The following MKI67 variants were observed in gnomAD, a reference collection of about 807,000 sequenced individuals.
The protein encoded by MKI67 is proliferation marker protein Ki-67.
MKI67 carries 152 observed loss-of-function variants against 233.5 expected under a neutral mutation model. The ratio of observed to expected loss-of-function variants is 0.65; its 90% CI spans 0.57 to 0.74. MKI67 has a LOEUF of 0.74. MKI67 is among the 30% of genes least tolerant of loss of function. The probability of loss-of-function intolerance (pLI) is 0.00; values close to 1 mark genes in which losing one functional copy is unlikely to be tolerated. For missense variants in MKI67, 3,940 were observed against 3,885.2 expected (o/e 1.01, Z -0.37); for synonymous variants, 1,465 against 1,418.5 (o/e 1.03, Z -0.74).
Position 128,107,872 on chromosome 10 carries a change from G to T in MKI67, c.3968C>A (p.Thr1323Lys). The change falls in exon 13 of 15, where the codon ACA (threonine) becomes AAA (lysine). Residue 1323 changes from threonine (T) to lysine (K), a missense_variant. By Grantham distance (78) the Thr-to-Lys change is moderately conservative. Coordinates refer to ENST00000368654, the MANE Select transcript of MKI67 (RefSeq NM_002417.5). Reference sequence around the variant, plus strand: ...TCTCTTGCTGCCGGTTAAGTTCTCTGTCAGGTCCAGTTTCTGCACTGGAGT... The same window carrying T: ...TCTCTTGCTGCCGGTTAAGTTCTCTTTCAGGTCCAGTTTCTGCACTGGAGT... ...VGTPVQKLDL[T>K]ENLTGSKRRP... 6.2e-7 allele frequency: 1 copy of T among 1,613,396 alleles called. No individual in the cohort carries two copies.
Position 128,112,253 on chromosome 10 carries a change from C to G in MKI67, c.1849G>C (p.Gly617Arg), listed in dbSNP as rs778643158. Reference protein sequence around the residue: ...SKSQTEVPKRGGRKSGNLPSK... With the variant: ...SKSQTEVPKRRGRKSGNLPSK... ...GGCAGGTTGCCACTCTTTCTCCCTC[C>G]TCTCTTAGGAACCTCTGTCTGAGAT... is the stretch of plus-strand genomic sequence containing the variant. Residue 617 changes from glycine to arginine, a missense_variant, in exon 9 of 15, where the codon GGA (glycine) becomes CGA (arginine). By Grantham distance (125) the Gly-to-Arg change is moderately radical. Transcript: ENST00000368654. 6.2e-7 allele frequency: 1 copy of G among 1,614,238 alleles called. No homozygotes were observed. The highest frequency in any genetic ancestry group is 1.3e-5 in the African/African-American group (1 of 75,066).
chr10:128,106,213 C>A lies in MKI67; in HGVS notation c.5627G>T (p.Arg1876Leu). ...PADTPTNTKQ[R>L]PKRSLKKADV... ...TGCTTTCTTGAGGCTTCTCTTGGGC[C>A]GTTGCTTTGTGTTTGTTGGGGTGTC... The change falls in exon 13 of 15, where the codon CGG (arginine) becomes CTG (leucine). Residue 1876 changes from arginine (R) to leucine (L), a missense_variant. Physicochemically the swap from Arg to Leu is moderately radical, Grantham distance 102 (BLOSUM62 -2). Coordinates refer to ENST00000368654, the MANE Select transcript of MKI67 (RefSeq NM_002417.5). 6.2e-7 allele frequency: 1 copy of A among 1,611,590 alleles called. No individual in the cohort carries two copies. The highest frequency in any genetic ancestry group is 8.5e-7 in the Non-Finnish European group (1 of 1,179,266).
Position 128,109,258 on chromosome 10 carries a change from G to A in MKI67, c.2582C>T (p.Thr861Ile). Residue 861 changes from threonine (T) to isoleucine (I), a missense_variant, in exon 13 of 15, where the codon ACT (threonine) becomes ATT (isoleucine). Thr to Ile is a moderately conservative substitution (Grantham distance 89, BLOSUM62 -1). Coordinates refer to ENST00000368654, the MANE Select transcript of MKI67 (RefSeq NM_002417.5). ...TACTGTTTTTGAAGGCTCTGTCTCA[G>A]TATCTGAAGTTTTTGTCTCCAGAGA... is the stretch of plus-strand genomic sequence containing the variant. Reference protein sequence around the residue: ...MTSLETKTSDTETEPSKTVST... With the variant: ...MTSLETKTSDIETEPSKTVST... 1 of 1,614,140 alleles carries A rather than the reference G, an allele frequency of 6.2e-7. No individual in the cohort carries two copies. Among genetic ancestry groups the A allele is most frequent in the Non-Finnish European group, 8.5e-7 (1 of 1,180,024 alleles).
rs776801421 is a variant in MKI67 at position 128,104,373 on chromosome 10, C to T, written c.7467G>A (p.Val2489=). ...CTGCTAGGGGCTCTTCTTTCATGTC[C>T]ACTTTCACCAGGGGTATCTTGAGCC... ...KQRLKIPLVK[V]DMKEEPLAVS... is the part of the protein sequence containing the mutation. The change falls in exon 13 of 15, where the codon GTG becomes GTA. Residue 2489 remains valine (V), a synonymous_variant. Coordinates refer to ENST00000368654, the MANE Select transcript of MKI67 (RefSeq NM_002417.5). 5.0e-6 allele frequency: 8 copies of T among 1,614,010 alleles called. No homozygotes were observed. The African/African-American group carries it at 8.0e-5, about 16-fold the overall frequency.
Position 128,112,054 on chromosome 10 carries a change from G to A in MKI67, c.1970-9C>T. On this transcript the variant is annotated splice_polypyrimidine_tract_variant and intron_variant, in intron 9 of 14. Coordinates refer to ENST00000368654, the MANE Select transcript of MKI67 (RefSeq NM_002417.5). ...TGCCCATGATTTTGCAACTGTCAAAGGGAAAAGACGAAACTTTTCAAAAAT... is the reference window on the plus strand; with the variant it reads ...TGCCCATGATTTTGCAACTGTCAAAAGGAAAAGACGAAACTTTTCAAAAAT... 6.2e-7 allele frequency: 1 copy of A among 1,608,368 alleles called. No individual in the cohort carries two copies. The highest frequency in any genetic ancestry group is 8.5e-7 in the Non-Finnish European group (1 of 1,178,096).
At chr10:128,100,652 T>C (rs776645413) in intron 14 of MKI67, among the ~76,000 whole-genome samples, 11 of 152,226 alleles carry the variant, frequency 7.2e-5, no homozygotes, top group Non-Finnish European at 1.0e-4. Flanking sequence ...TTCTTATGGA[T>C]TTGTCCACAT....
In MKI67 at chr10:128,111,998, G is replaced by A. The variant is rs912554570; in HGVS notation, c.2017C>T (p.Gln673Ter). The change falls in exon 10 of 15, where the codon CAA (glutamine) becomes TAA (stop). Residue 673 changes from glutamine to a stop codon, truncating the protein, a stop_gained. Transcript: ENST00000368654. LOFTEE classifies it high-confidence loss of function. ...DVVKLGAKQTQTKVIKHGPQR... is the reference protein window; with the variant it reads ...DVVKLGAKQT ...GGACCATGTTTTATGACTTTAGTTT[G>A]TGTTTGTTTTGCACCAAGTTTTACT... is the stretch of plus-strand genomic sequence containing the variant. 1.2e-6 allele frequency: 2 copies of A among 1,613,444 alleles called. No homozygotes were observed. The highest frequency in any genetic ancestry group is 1.7e-5 in the Admixed American group (1 of 59,844).
At position 128,101,251 on chromosome 10, in the gene MKI67, G is replaced by A. The variant is rs1852326479; in HGVS notation, c.9705+7C>T. The A allele has an allele frequency of 1.2e-6, 2 of 1,606,260 alleles. No homozygotes were observed. The highest frequency in any genetic ancestry group is 1.7e-6 in the Non-Finnish European group (2 of 1,173,786). On this transcript the variant is annotated splice_region_variant and intron_variant, in intron 14 of 14. Transcript: ENST00000368654. ...CTTTTAAAACAGGGAAACAGTAAAT[G>A]GCTTACCTTCTTTGGATTTTCTGCA...
Position 128,105,833 on chromosome 10 carries a change from A to G in MKI67, c.6007T>C (p.Leu2003=), listed in dbSNP as rs2136131901. The change falls in exon 13 of 15, where the codon TTG becomes CTG. Residue 2003 remains leucine, a synonymous_variant. Transcript: ENST00000368654. ...TSSKQRLKIS[L]GKVGVKEEVL... is the part of the protein sequence containing the mutation. ...TCTTCTTTCACACCTACTTTCCCCA[A>G]GGATATCTTGAGTCGTTGCTTGGAG... 6 of 1,613,744 alleles carry G rather than the reference A, an allele frequency of 3.7e-6. No individual in the cohort carries two copies. The South Asian group carries it at 4.4e-5, about 12-fold the overall frequency.
At chr10:128,118,215 G>A (rs189099688) in intron 5 of MKI67, among the ~76,000 whole-genome samples, 1 of 152,210 alleles carries the variant, frequency 6.6e-6, no homozygotes, top group East Asian at 1.9e-4. Context: ...GGTCAATATG[G>A]TGAAACCCTG....
At position 128,099,375 on chromosome 10, in the gene MKI67, A is replaced by T. The variant is rs138841477; in HGVS notation, c.9706-120T>A. On this transcript the variant is annotated intron_variant, in intron 14 of 14. Coordinates refer to ENST00000368654, the MANE Select transcript of MKI67 (RefSeq NM_002417.5). ...ATTATGCAGGTCCTTAGTTGCAGAA[A>T]ATTAATTTTGAGGTTGGAAATAAGT... is the stretch of plus-strand genomic sequence containing the variant. 139 of 544,304 alleles carry T rather than the reference A, an allele frequency of 2.6e-4. 1 individual carries two copies. Among genetic ancestry groups the T allele is most frequent in the African/African-American group, 2.4e-3 (124 of 51,606 alleles). 33.7% of individuals were successfully genotyped at this position (544,304 alleles called of 1,614,324 possible).
Position 128,110,845 on chromosome 10 carries a change from C to A in MKI67, c.2261-312G>T, listed in dbSNP as rs1433986616. ...AGCTCTGGAGCACGGAGGCTGGTGA[C>A]GGGCTCCTGAGACCCATAGGCCTCC... On this transcript the variant is annotated intron_variant, in intron 11 of 14. Transcript: ENST00000368654. 2.6e-5 allele frequency among the ~76,000 whole-genome samples: 4 copies of A among 152,218 alleles called. No individual in the cohort carries two copies. In the East Asian group the frequency reaches 7.7e-4, roughly 29 times the overall value.
At position 128,098,592 on chromosome 10, in the gene MKI67, T is replaced by C. The variant is rs928534762; in HGVS notation, c.*598A>G. On this transcript the variant is annotated 3_prime_UTR_variant, in exon 15 of 15. Transcript: ENST00000368654. ...AAGTCACTCTTGGTCCCTAAAGATG[T>C]GCTCACGAGTCATTCTCCAAAGCAC... 3 of 152,294 alleles carry C rather than the reference T, an allele frequency of 2.0e-5. No individual in the cohort carries two copies. Among genetic ancestry groups the C allele is most frequent in the Middle Eastern group, 6.8e-3 (2 of 294 alleles). The allele number at this position is 152,294 out of a possible 1,614,324, so 9.4% of individuals were successfully genotyped here. A position where few individuals can be genotyped will look rare whatever the true frequency, so the allele number is the denominator to read the frequency against.
At chr10:128,101,837 G>C in intron 13 of MKI67, 136 bp from the exon 14 acceptor site, 5 of 712,772 alleles carry the variant, frequency 7.0e-6, no homozygotes, top group Non-Finnish European at 9.0e-6. Context: ...TTGTCTAAGA[G>C]ACTTGTCATC....
chr10:128,104,225 C>A lies in MKI67; in HGVS notation c.7615G>T (p.Val2539Leu). 6.2e-7 allele frequency: 1 copy of A among 1,613,932 alleles called. No individual in the cohort carries two copies. Among genetic ancestry groups the A allele is most frequent in the South Asian group, 1.1e-5 (1 of 91,074 alleles). The change falls in exon 13 of 15, where the codon GTA (valine) becomes TTA (leucine). Residue 2539 changes from valine to leucine, a missense_variant. Physicochemically the swap from Val to Leu is conservative, Grantham distance 32. Transcript: ENST00000368654. ...CTCAGCTGCCTCCTGCTACCAGTTACACTTGCTGCTGGGTCCAGGATCTGC... is the reference window on the plus strand; with the variant it reads ...CTCAGCTGCCTCCTGCTACCAGTTAAACTTGCTGCTGGGTCCAGGATCTGC... ...PKQILDPAAS[V>L]TGSRRQLRTR...
In MKI67 at chr10:128,100,100, G is replaced by A. The variant is rs543755971; in HGVS notation, c.9706-845C>T. 2.0e-5 allele frequency among the ~76,000 whole-genome samples: 3 copies of A among 152,320 alleles called. No homozygotes were observed. The South Asian group carries it at 6.2e-4, about 32-fold the overall frequency. On this transcript the variant is annotated intron_variant, in intron 14 of 14. Transcript: ENST00000368654. Reference sequence around the variant, plus strand: ...CGTGCTGACCCACGTCAGCTGTTGCGTCCCTGGTGTGCCTGTGGTTTCTAG... The same window carrying A: ...CGTGCTGACCCACGTCAGCTGTTGCATCCCTGGTGTGCCTGTGGTTTCTAG...
intron 5 of MKI67, 30 bp downstream of exon 5, chr10:128,119,223 A>T (rs765615855): frequency 2.0e-6 from 3 of 1,505,608 alleles, no homozygotes; most frequent in Non-Finnish European, 2.8e-6. Flanking sequence ...ATCGAAACGA[A>T]TCAGCCCAAA....
Position 128,115,741 on chromosome 10 carries a change from TG to T in MKI67, c.666del (p.Thr223LeufsTer22), listed in dbSNP as rs779729115. ...VSRYGELKSV[P>X]TTQCLDNSKK... ...TTGCTATTGTCAAGACATTGTGTAG[TG>T]GGAACAGACTTCAATTCTCCATAAC... On this transcript the variant is annotated frameshift_variant, in exon 7 of 15. Coordinates refer to ENST00000368654, the MANE Select transcript of MKI67 (RefSeq NM_002417.5). LOFTEE classifies it high-confidence loss of function. 1 of 1,613,596 alleles carries T rather than the reference TG, an allele frequency of 6.2e-7. No individual in the cohort carries two copies. Among genetic ancestry groups the T allele is most frequent in the African/African-American group, 1.3e-5 (1 of 74,946 alleles).
rs1852448746 is a variant in MKI67, at chr10:128,105,089, C to T, written c.6751G>A (p.Glu2251Lys). ...GTTCGTTTCCTGAGTGCTAAGGATTCTTCCTCTACGTCTGCTTTCCTGAGA... is the reference window on the plus strand; with the variant it reads ...GTTCGTTTCCTGAGTGCTAAGGATTTTTCCTCTACGTCTGCTTTCCTGAGA... The part of the protein sequence containing the change: ...RSLRKADVEE[E>K]SLALRKRTPS... Residue 2251 changes from glutamate (E) to lysine (K), a missense_variant, in exon 13 of 15, where the codon GAA (glutamate) becomes AAA (lysine). Transcript: ENST00000368654. 1 of 1,613,896 alleles carries T rather than the reference C, an allele frequency of 6.2e-7. No individual in the cohort carries two copies. Among genetic ancestry groups the T allele is most frequent in the African/African-American group, 1.3e-5 (1 of 74,826 alleles).
Sources: allele counts gnomAD v4.1 joint callset (sites outside exome capture counted in the v4.1 genomes callset), GRCh38; gene constraint gnomAD v4.1.1; transcripts MANE v1.5; gene names NCBI Gene and HGNC (gene_info 2026-07-23, HGNC 2026-07-21).